GPR62: variants seen among roughly 807,000 people sequenced by gnomAD.
GPR62 encodes G-protein coupled receptor GPCR8.
For synonymous variants in GPR62, 280 were observed against 286.9 expected (o/e 0.98, Z 0.24); for missense variants, 513 against 541.5 (o/e 0.95, Z 0.52).
At position 51,956,357 on chromosome 3, in the gene GPR62, CG is replaced by C; in HGVS notation, c.710del (p.Gly237AlafsTer103). On this transcript the variant is annotated frameshift_variant, in exon 1 of 1. Coordinates refer to ENST00000322241, the MANE Select transcript of GPR62 (RefSeq NM_080865.4). LOFTEE classifies it low-confidence loss of function (END_TRUNC). ...TGCCGCCGCTCCGGCCTCGCCTGCC[CG>C]GGGGCAAGGCGGCCCTGGCCCCAGC... ...ILPPLRPRLP[G>X]GKAALAPALA... 2 of 1,545,390 alleles carry C rather than the reference CG, an allele frequency of 1.3e-6. No homozygotes were observed. Among genetic ancestry groups the C allele is most frequent in the South Asian group, 1.2e-5 (1 of 84,816 alleles).
In GPR62 at chr3:51,956,876, G is replaced by A; in HGVS notation, c.*117G>A. 1.4e-6 allele frequency: 2 copies of A among 1,449,498 alleles called. No individual in the cohort carries two copies. The highest frequency in any genetic ancestry group is 1.5e-5 in the South Asian group (1 of 67,764). 89.8% of individuals were successfully genotyped at this position (1,449,498 alleles called of 1,614,324 possible). ...GGAGGAGAAAGGGTGTCTGCTGCCT[G>A]GTGAGGCCCACGGACTTCTGAGAGC... On this transcript the variant is annotated 3_prime_UTR_variant, in exon 1 of 1. Transcript: ENST00000322241.
In GPR62 at chr3:51,955,561, A is replaced by G. The variant is rs1699823391; in HGVS notation, c.-92A>G. On this transcript the variant is annotated 5_prime_UTR_variant, in exon 1 of 1. Coordinates refer to ENST00000322241, the MANE Select transcript of GPR62 (RefSeq NM_080865.4). ...TGAGGGGCCGGAGGAGCAAGGGACA[A>G]GAGGAGCAGAGGACAGGTGATGGAA... 1 of 1,124,460 alleles carries G rather than the reference A, an allele frequency of 8.9e-7. No homozygotes were observed. Among genetic ancestry groups the G allele is most frequent in the East Asian group, 3.0e-5 (1 of 33,316 alleles). 69.7% of individuals were successfully genotyped at this position (1,124,460 alleles called of 1,614,324 possible).
chr3:51,956,584 G>A lies in GPR62; in HGVS notation c.932G>A (p.Gly311Glu), dbSNP rs1699853883. The A allele has an allele frequency of 6.2e-7, 1 of 1,611,890 alleles. No individual in the cohort carries two copies. Among genetic ancestry groups the A allele is most frequent in the Admixed American group, 1.7e-5 (1 of 59,956 alleles). Reference protein sequence around the residue: ...LGRLSRRALPGPVRACTPQAW... With the variant: ...LGRLSRRALPEPVRACTPQAW... The stretch of plus-strand genomic sequence containing the variant: ...CGCCTCTCTCGCCGTGCACTGCCTG[G>A]ACCTGTGCGGGCCTGCACTCCGCAA... Residue 311 changes from glycine to glutamate, a missense_variant, in exon 1 of 1, where the codon GGA becomes GAA. Coordinates refer to ENST00000322241, the MANE Select transcript of GPR62 (RefSeq NM_080865.4).
chr3:51,955,526 G>C lies in GPR62; in HGVS notation c.-127G>C, dbSNP rs1036823965. On this transcript the variant is annotated 5_prime_UTR_variant, in exon 1 of 1. Transcript: ENST00000322241. ...GGGCGTCGGAGCCACCTCCTGGGCA[G>C]CCAATGAGGTGAGGGGCCGGAGGAG... 7 of 832,522 alleles carry C rather than the reference G, an allele frequency of 8.4e-6. No homozygotes were observed. The African/African-American group carries it at 1.3e-4, about 15-fold the overall frequency. The allele number at this position is 832,522 out of a possible 1,614,324, so 51.6% of individuals were successfully genotyped here. A position where few individuals can be genotyped will look rare whatever the true frequency, so the allele number is the denominator to read the frequency against.
rs776837642 is a variant in GPR62 at position 51,955,709 on chromosome 3, C to T, written c.57C>T (p.Ile19=). ...AAGTCGCAGGCTCGTTGGGGTTGAT[C>T]CTGGCAGCTGTCGTGGAGGTGGGGG... The part of the protein sequence containing the change: ...ASEVAGSLGL[I]LAAVVEVGAL... Residue 19 remains isoleucine (I), a synonymous_variant, in exon 1 of 1, where the codon ATC becomes ATT. Coordinates refer to ENST00000322241, the MANE Select transcript of GPR62 (RefSeq NM_080865.4). The T allele has an allele frequency of 1.9e-6, 3 of 1,609,078 alleles. No homozygotes were observed. In the South Asian group the frequency reaches 3.3e-5, roughly 18 times the overall value.
chr3:51,955,754 G>T lies in GPR62; in HGVS notation c.102G>T (p.Ala34=). 6.2e-7 allele frequency: 1 copy of T among 1,604,134 alleles called. No homozygotes were observed. Among genetic ancestry groups the T allele is most frequent in the Non-Finnish European group, 8.5e-7 (1 of 1,175,684 alleles). Residue 34 remains alanine, a synonymous_variant, in exon 1 of 1, where the codon GCG becomes GCT. Transcript: ENST00000322241. The stretch of plus-strand genomic sequence containing the variant: ...TGGGGGCACTGCTGGGCAACGGCGC[G>T]CTGCTGGTCGTGGTGCTGCGCACGC... ...VEVGALLGNG[A]LLVVVLRTPG...
rs867381152 is a variant in GPR62, at chr3:51,956,383, C to G, written c.731C>G (p.Ala244Gly). 3 of 1,531,492 alleles carry G rather than the reference C, an allele frequency of 2.0e-6. No homozygotes were observed. The highest frequency in any genetic ancestry group is 2.6e-6 in the Non-Finnish European group (3 of 1,147,656). The allele number at this position is 1,531,492 out of a possible 1,614,324, so 94.9% of individuals were successfully genotyped here. Residue 244 changes from alanine (A) to glycine (G), a missense_variant, in exon 1 of 1, where the codon GCG becomes GGG. Physicochemically the swap from Ala to Gly is moderately conservative, Grantham distance 60. Transcript: ENST00000322241. Reference sequence around the variant, plus strand: ...GGGGGCAAGGCGGCCCTGGCCCCAGCGCTGGCCGTGGGCCAATTTGCAGCC... The same window carrying G: ...GGGGGCAAGGCGGCCCTGGCCCCAGGGCTGGCCGTGGGCCAATTTGCAGCC... ...LPGGKAALAP[A>G]LAVGQFAACW...
In GPR62 at chr3:51,956,318, C is replaced by T; in HGVS notation, c.666C>T (p.Ser222=). The T allele has an allele frequency of 6.4e-7, 1 of 1,573,392 alleles. No individual in the cohort carries two copies. The highest frequency in any genetic ancestry group is 8.5e-7 in the Non-Finnish European group (1 of 1,170,184). Residue 222 remains serine, a synonymous_variant, in exon 1 of 1, where the codon AGC becomes AGT. Transcript: ENST00000322241. ...GSRLHSDSLD[S]RLSILPPLRP... is the part of the protein sequence containing the mutation. ...GACTCCACTCGGACTCTCTGGATAGCCGCCTTTCCATCTTGCCGCCGCTCC... is the reference window on the plus strand; with the variant it reads ...GACTCCACTCGGACTCTCTGGATAGTCGCCTTTCCATCTTGCCGCCGCTCC...
chr3:51,956,117 GC>G lies in GPR62; in HGVS notation c.470del (p.Pro157LeufsTer48), dbSNP rs1172142447. 4 of 1,446,544 alleles carry G rather than the reference GC, an allele frequency of 2.8e-6. No individual in the cohort carries two copies. The highest frequency in any genetic ancestry group is 2.7e-5 in the South Asian group (2 of 74,358). The allele number at this position is 1,446,544 out of a possible 1,614,324, so 89.6% of individuals were successfully genotyped here. The part of the protein sequence containing the change: ...LSLLGTPPAP[P>X]PAPARCSVLA... ...CCCTGCTCGGCACGCCGCCCGCACC[GC>G]CCCCTGCTCCTGCTCGCTGCTCGGT... is the stretch of plus-strand genomic sequence containing the variant. On this transcript the variant is annotated frameshift_variant, in exon 1 of 1. Coordinates refer to ENST00000322241, the MANE Select transcript of GPR62 (RefSeq NM_080865.4). LOFTEE classifies it low-confidence loss of function (END_TRUNC).
chr3:51,956,162 G>C lies in GPR62; in HGVS notation c.510G>C (p.Gly170=). 6.8e-7 allele frequency: 1 copy of C among 1,478,172 alleles called. No homozygotes were observed. The highest frequency in any genetic ancestry group is 8.9e-7 in the Non-Finnish European group (1 of 1,123,938). The allele number at this position is 1,478,172 out of a possible 1,614,324, so 91.6% of individuals were successfully genotyped here. ...ARCSVLAGGL[G]PFRPLWALLA... ...GCTCGGTCCTGGCTGGGGGCCTCGG[G>C]CCCTTCCGGCCGCTCTGGGCCCTGC... is the stretch of plus-strand genomic sequence containing the variant. The change falls in exon 1 of 1, where the codon GGG becomes GGC. Residue 170 remains glycine, a synonymous_variant. Transcript: ENST00000322241.
chr3:51,955,619 A>G lies in GPR62; in HGVS notation c.-34A>G. On this transcript the variant is annotated 5_prime_UTR_variant, in exon 1 of 1. Coordinates refer to ENST00000322241, the MANE Select transcript of GPR62 (RefSeq NM_080865.4). ...AGCTTTAGGCTCCATTCTGCCATCT[A>G]CATCCCAGCGCAGGGTGAAGCCTGA... is the stretch of plus-strand genomic sequence containing the variant. 6.6e-7 allele frequency: 1 copy of G among 1,503,836 alleles called. No homozygotes were observed. Among genetic ancestry groups the G allele is most frequent in the Middle Eastern group, 1.8e-4 (1 of 5,558 alleles). The allele number at this position is 1,503,836 out of a possible 1,614,324, so 93.2% of individuals were successfully genotyped here.
At position 51,955,590 on chromosome 3, in the gene GPR62, C is replaced by A; in HGVS notation, c.-63C>A. The A allele has an allele frequency of 7.4e-7, 1 of 1,355,426 alleles. No individual in the cohort carries two copies. Among genetic ancestry groups the A allele is most frequent in the Non-Finnish European group, 1.0e-6 (1 of 997,338 alleles). The allele number at this position is 1,355,426 out of a possible 1,614,324, so 84.0% of individuals were successfully genotyped here. A position where few individuals can be genotyped will look rare whatever the true frequency, so the allele number is the denominator to read the frequency against. ...GAGCAGAGGACAGGTGATGGAAATC[C>A]TGCAGCTTTAGGCTCCATTCTGCCA... On this transcript the variant is annotated 5_prime_UTR_variant, in exon 1 of 1. It adds an upstream start codon to the 5' untranslated region. Transcript: ENST00000322241.
Position 51,957,359 on chromosome 3 carries a change from T to C in GPR62, c.*600T>C, listed in dbSNP as rs534464686. The C allele has an allele frequency of 6.0e-6, 1 of 167,470 alleles. No individual in the cohort carries two copies. Among genetic ancestry groups the C allele is most frequent in the African/African-American group, 2.4e-5 (1 of 41,604 alleles). 10.4% of individuals were successfully genotyped at this position (167,470 alleles called of 1,614,324 possible). A position where few individuals can be genotyped will look rare whatever the true frequency, so the allele number is the denominator to read the frequency against. Reference sequence around the variant, plus strand: ...CATGTGGAAGGGGCTGAGGCCTAATTGAGGTTGGTGGATTCACACATGGGG... The same window carrying C: ...CATGTGGAAGGGGCTGAGGCCTAATCGAGGTTGGTGGATTCACACATGGGG... On this transcript the variant is annotated 3_prime_UTR_variant, in exon 1 of 1. Coordinates refer to ENST00000322241, the MANE Select transcript of GPR62 (RefSeq NM_080865.4).
Position 51,956,150 on chromosome 3 carries a change from TG to T in GPR62, c.503del (p.Gly168AlafsTer37), listed in dbSNP as rs1403723808. ...CTCCTGCTCGCTGCTCGGTCCTGGC[TG>T]GGGGCCTCGGGCCCTTCCGGCCGCT... Reference protein sequence around the residue: ...PAPARCSVLAGGLGPFRPLWA... With the variant: ...PAPARCSVLAXGLGPFRPLWA... On this transcript the variant is annotated frameshift_variant, in exon 1 of 1. Coordinates refer to ENST00000322241, the MANE Select transcript of GPR62 (RefSeq NM_080865.4). LOFTEE classifies it low-confidence loss of function (END_TRUNC). The T allele has an allele frequency of 3.4e-6, 5 of 1,475,886 alleles. No individual in the cohort carries two copies. The highest frequency in any genetic ancestry group is 4.5e-6 in the Non-Finnish European group (5 of 1,122,526). The allele number at this position is 1,475,886 out of a possible 1,614,324, so 91.4% of individuals were successfully genotyped here.
chr3:51,956,208 C>G lies in GPR62; in HGVS notation c.556C>G (p.Leu186Val). Residue 186 changes from leucine (L) to valine (V), a missense_variant, in exon 1 of 1, where the codon CTC becomes GTC. Transcript: ENST00000322241. ...WALLAFALPA[L>V]LLLGAYGGIF... The stretch of plus-strand genomic sequence containing the variant: ...CCTGCTGGCCTTCGCGCTGCCCGCC[C>G]TCCTGCTGCTCGGCGCCTACGGCGG... 1 of 1,527,816 alleles carries G rather than the reference C, an allele frequency of 6.5e-7. No individual in the cohort carries two copies. Among genetic ancestry groups the G allele is most frequent in the South Asian group, 1.2e-5 (1 of 82,472 alleles). The allele number at this position is 1,527,816 out of a possible 1,614,324, so 94.6% of individuals were successfully genotyped here.
Position 51,956,572 on chromosome 3 carries a change from G to A in GPR62, c.920G>A (p.Arg307His), listed in dbSNP as rs757813656. 5.0e-5 allele frequency: 81 copies of A among 1,611,256 alleles called. No individual in the cohort carries two copies. The highest frequency in any genetic ancestry group is 6.6e-5 in the Non-Finnish European group (78 of 1,179,550). ...TTGGCACTGGGCCGCCTCTCTCGCC[G>A]TGCACTGCCTGGACCTGTGCGGGCC... ...VRLALGRLSR[R>H]ALPGPVRACT... Residue 307 changes from arginine (R) to histidine (H), a missense_variant, in exon 1 of 1, where the codon CGT becomes CAT. By Grantham distance (29) the Arg-to-His change is conservative. Coordinates refer to ENST00000322241, the MANE Select transcript of GPR62 (RefSeq NM_080865.4).
chr3:51,956,452 G>A lies in GPR62; in HGVS notation c.800G>A (p.Arg267Gln), dbSNP rs753969590. ...TGCGCGTGCCTGGCGCCCGCAGCGC[G>A]GGCCGCGGAAGCCGAAGCGGCTGTC... Reference protein sequence around the residue: ...YGCACLAPAARAAEAEAAVTW... With the variant: ...YGCACLAPAAQAAEAEAAVTW... Residue 267 changes from arginine (R) to glutamine (Q), a missense_variant, in exon 1 of 1, where the codon CGG (arginine) becomes CAG (glutamine). By Grantham distance (43) the Arg-to-Gln change is conservative. Coordinates refer to ENST00000322241, the MANE Select transcript of GPR62 (RefSeq NM_080865.4). 6.5e-7 allele frequency: 1 copy of A among 1,533,498 alleles called. No homozygotes were observed. The highest frequency in any genetic ancestry group is 8.7e-7 in the Non-Finnish European group (1 of 1,146,976). The allele number at this position is 1,533,498 out of a possible 1,614,324, so 95.0% of individuals were successfully genotyped here.
In GPR62 at chr3:51,956,271, C is replaced by A; in HGVS notation, c.619C>A (p.Pro207Thr). 1 of 1,563,922 alleles carries A rather than the reference C, an allele frequency of 6.4e-7. No homozygotes were observed. Among genetic ancestry groups the A allele is most frequent in the Non-Finnish European group, 8.6e-7 (1 of 1,166,510 alleles). The change falls in exon 1 of 1, where the codon CCA becomes ACA. Residue 207 changes from proline to threonine, a missense_variant. Transcript: ENST00000322241. ...VVARRAALRP[P>T]RPARGSRLHS... is the part of the protein sequence containing the mutation. ...GGCGCGTCGCGCTGCCCTGAGGCCC[C>A]CACGGCCGGCGCGCGGGTCCCGACT...
rs950219610 is a variant in GPR62, at chr3:51,956,428, G to A, written c.776G>A (p.Cys259Tyr). The change falls in exon 1 of 1, where the codon TGC becomes TAC. Residue 259 changes from cysteine (C) to tyrosine (Y), a missense_variant. Cys to Tyr is a radical substitution (Grantham distance 194, BLOSUM62 -2). Coordinates refer to ENST00000322241, the MANE Select transcript of GPR62 (RefSeq NM_080865.4). ...QFAACWLPYG[C>Y]ACLAPAARAA... ...GCAGCCTGCTGGCTGCCTTATGGCT[G>A]CGCGTGCCTGGCGCCCGCAGCGCGG... The A allele has an allele frequency of 5.2e-6, 8 of 1,527,150 alleles. No individual in the cohort carries two copies. The East Asian group carries it at 1.5e-4, about 28-fold the overall frequency. 94.6% of individuals were successfully genotyped at this position (1,527,150 alleles called of 1,614,324 possible).
Sources: allele counts gnomAD v4.1 joint callset, GRCh38; gene constraint gnomAD v4.1.1; transcripts MANE v1.5; gene names NCBI Gene and HGNC (gene_info 2026-07-23, HGNC 2026-07-21).